The following GPATCH2 variants were observed in gnomAD, a reference collection of about 807,000 sequenced individuals.
GPATCH2 encodes G patch domain-containing protein 2.
GPATCH2 carries 51 observed loss-of-function variants against 58.0 expected under a neutral mutation model. The ratio of observed to expected loss-of-function variants is 0.88; its 90% confidence interval spans 0.70 to 1.11. The LOEUF (loss-of-function observed/expected upper bound fraction) is 1.11. Ranked by LOEUF, GPATCH2 falls within the 50% of genes most tolerant of loss-of-function variation. GPATCH2 has a pLI of 0.00. For missense variants in GPATCH2, 625 were observed against 652.2 expected (o/e 0.96, Z 0.45); for synonymous variants, 222 against 218.5 (o/e 1.02, Z -0.14).
chr1:217,549,371 G>T (rs1292992237), intron 5 of GPATCH2, among the ~76,000 whole-genome samples: 2 of 152,084 alleles, frequency 1.3e-5, no homozygotes, highest in African/African-American at 2.4e-5. Context: ...ATTGTCTGTT[G>T]TAGCTAATAT....
At chr1:217,478,065 T>C (rs1661047529) in intron 8 of GPATCH2, among the ~76,000 whole-genome samples, 1 of 152,224 alleles carries the variant, frequency 6.6e-6, no homozygotes, top group African/African-American at 2.4e-5. Flanking sequence ...GCAATACCTC[T>C]ACAAGTCTGC....
intron 5 of GPATCH2, among the ~76,000 whole-genome samples, chr1:217,550,956 CAG>C (rs1665331702): frequency 6.6e-6 from 1 of 151,448 alleles, no homozygotes; most frequent in Admixed American, 6.6e-5. Context: ...AGCATATAAT[CAG>C]AGACTTTATG....
intron 5 of GPATCH2, among the ~76,000 whole-genome samples, chr1:217,605,358 C>T (rs1190232510): frequency 3.9e-5 from 6 of 152,088 alleles, no homozygotes; most frequent in Admixed American, 6.5e-5. Flanking sequence ...AGCTAATGTT[C>T]ACATTTTTTT....
chr1:217,570,824 T>C (rs981743152), intron 5 of GPATCH2, among the ~76,000 whole-genome samples: 2 of 152,212 alleles, frequency 1.3e-5, no homozygotes, highest in Admixed American at 6.5e-5. Context: ...GAAAGGATGA[T>C]GGTAAGAAAT....
chr1:217,473,128 A>G lies in GPATCH2; in HGVS notation c.1277+18552T>C, dbSNP rs533474813. ...CTTACTACCTATCTGTGAGTAATCA[A>G]TCTGCTTCATATAACCTGTGGCACA... On this transcript the variant is annotated intron_variant, in intron 8 of 9. Coordinates refer to ENST00000366935, the MANE Select transcript of GPATCH2 (RefSeq NM_018040.5). 4.6e-5 allele frequency among the ~76,000 whole-genome samples: 7 copies of G among 152,312 alleles called. No individual in the cohort carries two copies. In the South Asian group the frequency reaches 8.3e-4, roughly 18 times the overall value.
At chr1:217,525,850 A>G (rs1397350568) in intron 5 of GPATCH2, among the ~76,000 whole-genome samples, 1 of 152,192 alleles carries the variant, frequency 6.6e-6, no homozygotes, top group Non-Finnish European at 1.5e-5. Flanking sequence ...CATTTTAAAA[A>G]TTTATTTAAG....
chr1:217,610,748 C>T, intron 4 of GPATCH2, 141 bp downstream of exon 4: 1 of 596,566 alleles, frequency 1.7e-6, no homozygotes, highest in Non-Finnish European at 2.9e-6. Context: ...AATGTAGTAG[C>T]TATATTAGTG....
At position 217,503,989 on chromosome 1, in the gene GPATCH2, T is replaced by C. The variant is rs191702792; in HGVS notation, c.1167-5594A>G. ...AGAGGTTTGCCAAAGACTTCATAAC[T>C]AAGCAGCAGAGCGGGAATTCAGTTA... is the stretch of plus-strand genomic sequence containing the variant. On this transcript the variant is annotated intron_variant, in intron 6 of 9. Coordinates refer to ENST00000366935, the MANE Select transcript of GPATCH2 (RefSeq NM_018040.5). Among the ~76,000 whole-genome samples the C allele has an allele frequency of 6.0e-4, 91 of 152,274 alleles. 1 individual carries two copies. Among genetic ancestry groups the C allele is most frequent in the Non-Finnish European group, 6.6e-4 (45 of 68,016 alleles).
intron 5 of GPATCH2, among the ~76,000 whole-genome samples, chr1:217,580,389 A>G (rs904253487): frequency 3.3e-5 from 5 of 152,192 alleles, no homozygotes; most frequent in Non-Finnish European, 5.9e-5. Flanking sequence ...TAGTAAGCTA[A>G]CCTTTCAACT....
At chr1:217,598,352 C>T (rs758931148) in intron 5 of GPATCH2, among the ~76,000 whole-genome samples, 2 of 152,084 alleles carry the variant, frequency 1.3e-5, no homozygotes, top group Non-Finnish European at 2.9e-5. Flanking sequence ...CGCACTATTG[C>T]ACTCAAGCCG....
chr1:217,571,242 ACTCT>A (rs1571939714), intron 5 of GPATCH2, among the ~76,000 whole-genome samples: 2 of 152,116 alleles, frequency 1.3e-5, no homozygotes, highest in Admixed American at 1.3e-4. Flanking sequence ...ACATACACAC[ACTCT>A]CTCTTTCTCT....
intron 6 of GPATCH2, among the ~76,000 whole-genome samples, chr1:217,507,170 A>T (rs1662603864): frequency 6.6e-6 from 1 of 152,170 alleles, no homozygotes; most frequent in Non-Finnish European, 1.5e-5. Context: ...GAGATACAGG[A>T]TGGAGTTTCA....
rs1249197690 is a variant in GPATCH2, at chr1:217,430,983, T to A, written c.*162A>T. ...TTTAGCACCATGAATTGTGATGAAA[T>A]CCCATTTCTCTCACTATGGCAGGAC... On this transcript the variant is annotated 3_prime_UTR_variant, in exon 10 of 10. Coordinates refer to ENST00000366935, the MANE Select transcript of GPATCH2 (RefSeq NM_018040.5). 5 of 615,392 alleles carry A rather than the reference T, an allele frequency of 8.1e-6. No homozygotes were observed. The highest frequency in any genetic ancestry group is 8.7e-6 in the Non-Finnish European group (3 of 343,716). 38.1% of individuals were successfully genotyped at this position (615,392 alleles called of 1,614,324 possible).
At chr1:217,556,314 T>C (rs1376743093) in intron 5 of GPATCH2, among the ~76,000 whole-genome samples, 1 of 152,150 alleles carries the variant, frequency 6.6e-6, no homozygotes, top group Non-Finnish European at 1.5e-5. Flanking sequence ...ATTTATATCT[T>C]CCCCCTTCTC....
intron 8 of GPATCH2, among the ~76,000 whole-genome samples, chr1:217,473,672 C>T (rs921037709): frequency 1.3e-5 from 2 of 151,662 alleles, no homozygotes; most frequent in Admixed American, 6.6e-5. Context: ...AACCCATAGA[C>T]TTATCAAACA....
chr1:217,535,471 TC>T (rs1664414568), intron 5 of GPATCH2, among the ~76,000 whole-genome samples: 1 of 152,174 alleles, frequency 6.6e-6, no homozygotes, highest in South Asian at 2.1e-4. Context: ...TGCCTCAGCC[TC>T]CACAGTAGGT....
At chr1:217,433,991 C>T (rs1658688554) in intron 9 of GPATCH2, among the ~76,000 whole-genome samples, 1 of 152,178 alleles carries the variant, frequency 6.6e-6, no homozygotes, top group Admixed American at 6.5e-5. Context: ...TCTCAATCTT[C>T]AGTGCATTTC....
At chr1:217,521,398 T>C (rs929139726) in intron 5 of GPATCH2, among the ~76,000 whole-genome samples, 1 of 140,012 alleles carries the variant, frequency 7.1e-6, no homozygotes, top group East Asian at 2.2e-4. Context: ...AACAAATGTT[T>C]TCTGTATTTG....
At chr1:217,595,343 C>G (rs1440188478) in intron 5 of GPATCH2, among the ~76,000 whole-genome samples, 1 of 152,032 alleles carries the variant, frequency 6.6e-6, no homozygotes, top group South Asian at 2.1e-4. Context: ...GAAAAATTCA[C>G]AAGTAATGTA....
Sources: allele counts gnomAD v4.1 joint callset (sites outside exome capture counted in the v4.1 genomes callset), GRCh38; gene constraint gnomAD v4.1.1; transcripts MANE v1.5; gene names NCBI Gene and HGNC (gene_info 2026-07-23, HGNC 2026-07-21).